The following COMMD1 variants were observed in gnomAD, a reference collection of about 807,000 sequenced individuals.
COMMD1 encodes COMM domain-containing protein 1.
Under a neutral mutation model 17.2 loss-of-function variants are expected in COMMD1, and 10 were observed. The observed-to-expected ratio is 0.58, with a 90% CI of 0.36 to 0.99. COMMD1 has a LOEUF of 0.99. COMMD1 is among the 50% of genes least tolerant of loss of function. The pLI is 0.01. For missense variants in COMMD1, 270 were observed against 231.8 expected, an observed-to-expected ratio of 1.17 and a Z score of -1.07; for synonymous variants, 97 against 91.6, an observed-to-expected ratio of 1.06 and a Z score of -0.34.
chr2:61,905,602 C>T, upstream of COMMD1: 2 of 1,399,718 alleles, frequency 1.4e-6, no homozygotes, highest in Admixed American at 2.6e-5. Context: ...GGTGGTTTTG[C>T]ACAGGCTATT....
At chr2:61,926,747 A>T (rs1419899961) in intron 1 of COMMD1, among the ~76,000 whole-genome samples, 3 of 152,084 alleles carry the variant, frequency 2.0e-5, no homozygotes. Flanking sequence ...TTGGAGCTTC[A>T]CAAGAACGTA....
At chr2:61,919,867 C>G (rs536812192) in intron 1 of COMMD1, among the ~76,000 whole-genome samples, 1 of 152,076 alleles carries the variant, frequency 6.6e-6, no homozygotes, top group African/African-American at 2.4e-5. Context: ...TGACGCATGC[C>G]TATAATCCCA....
rs1261204246 is a variant in COMMD1, at chr2:61,960,862, T to G, written c.181-39839T>G. 7.2e-5 allele frequency among the ~76,000 whole-genome samples: 11 copies of G among 152,200 alleles called. No homozygotes were observed. In the East Asian group the frequency reaches 1.9e-3, roughly 27 times the overall value. The stretch of plus-strand genomic sequence containing the variant: ...AGTAGTTTGTCACCCTTTGCAACAT[T>G]TCCTACCTTGGCCCTCGGGCGAGGT... On this transcript the variant is annotated intron_variant, in intron 1 of 2. Coordinates refer to ENST00000311832, the MANE Select transcript of COMMD1 (RefSeq NM_152516.4).
intron 2 of COMMD1, among the ~76,000 whole-genome samples, chr2:62,055,125 A>G (rs1005829838): frequency 6.6e-6 from 1 of 152,184 alleles, no homozygotes; most frequent in African/African-American, 2.4e-5. Context: ...ATTAAGCTGC[A>G]TCTGGTGGCA....
intron 2 of COMMD1, among the ~76,000 whole-genome samples, chr2:62,124,391 C>T (rs1022464897): frequency 6.6e-5 from 10 of 152,190 alleles, no homozygotes; most frequent in Non-Finnish European, 1.3e-4. Context: ...GATATGGTCA[C>T]ATTAACCAGT....
intron 1 of COMMD1, among the ~76,000 whole-genome samples, chr2:61,930,617 TTGTGTGTGTGTGTG>T (rs59488185): frequency 8.2e-5 from 12 of 146,166 alleles, no homozygotes; most frequent in African/African-American, 1.5e-4. Flanking sequence ...CCACAGGGTT[TTGTGTGTGTGTGTG>T]TGTGTGTGTG....
intron 2 of COMMD1, among the ~76,000 whole-genome samples, chr2:62,053,884 C>T (rs115901863): frequency 1.8e-3 from 271 of 152,120 alleles, no homozygotes; most frequent in African/African-American, 5.7e-3. Flanking sequence ...TTCTGCACAG[C>T]GAAAGAAATA....
chr2:62,108,424 A>G (rs1458880033), intron 2 of COMMD1, among the ~76,000 whole-genome samples: 2 of 152,172 alleles, frequency 1.3e-5, no homozygotes, highest in Admixed American at 6.5e-5. Flanking sequence ...TAGGCCTGAG[A>G]TCTTATATAC....
chr2:61,899,370 T>G (rs1669613027), intron 1 of COMMD1, among the ~76,000 whole-genome samples: 3 of 152,222 alleles, frequency 2.0e-5, no homozygotes, highest in Admixed American at 6.5e-5. Flanking sequence ...CCACATAGTT[T>G]AGTTACTTTT....
At position 61,951,262 on chromosome 2, in the gene COMMD1, A is replaced by G. The variant is rs147362667; in HGVS notation, c.180+45404A>G. On this transcript the variant is annotated intron_variant, in intron 1 of 2. Coordinates refer to ENST00000311832, the MANE Select transcript of COMMD1 (RefSeq NM_152516.4). The stretch of plus-strand genomic sequence containing the variant: ...GTGGATAGGTTGAGGCCAGGAGTTC[A>G]AGACCAGCCTGGCAAATGTGGCGAA... Among the ~76,000 whole-genome samples, 678 of 152,260 alleles carry G rather than the reference A, an allele frequency of 4.5e-3. 3 individuals are homozygous for G. The highest frequency in any genetic ancestry group is 7.2e-3 in the Non-Finnish European group (489 of 68,020).
At chr2:62,011,358 A>G (rs1206136891) in intron 2 of COMMD1, among the ~76,000 whole-genome samples, 1 of 152,208 alleles carries the variant, frequency 6.6e-6, no homozygotes, top group Non-Finnish European at 1.5e-5. Context: ...GTGTCCCTTT[A>G]CAGTCATCCA....
At chr2:62,115,831 TTTTTCTTTC>T (rs1218931029) in intron 2 of COMMD1, among the ~76,000 whole-genome samples, 14 of 127,202 alleles carry the variant, frequency 1.1e-4, no homozygotes, top group African/African-American at 3.7e-4. Flanking sequence ...GTGGGTTTTT[TTTTTCTTTC>T]TTTCTTTCTT....
intron 2 of COMMD1, among the ~76,000 whole-genome samples, chr2:62,006,797 C>G (rs2103820042): frequency 6.6e-6 from 1 of 152,226 alleles, no homozygotes; most frequent in South Asian, 2.1e-4. Context: ...GTTTTCCTTT[C>G]CTGGAACTTC....
chr2:62,038,078 T>C (rs1288873891), intron 2 of COMMD1, among the ~76,000 whole-genome samples: 2 of 152,016 alleles, frequency 1.3e-5, no homozygotes, highest in Non-Finnish European at 2.9e-5. Flanking sequence ...CACCTGAGGT[T>C]AGGAGTTCAA....
chr2:62,066,504 C>T (rs1452527371), intron 2 of COMMD1, among the ~76,000 whole-genome samples: 5 of 149,032 alleles, frequency 3.4e-5, no homozygotes, highest in African/African-American at 1.2e-4. Flanking sequence ...GGTGCGATCT[C>T]GGCTCACGGC....
At chr2:62,086,606 T>C (rs763675750) in intron 2 of COMMD1, among the ~76,000 whole-genome samples, 1 of 152,168 alleles carries the variant, frequency 6.6e-6, no homozygotes, top group Non-Finnish European at 1.5e-5. Context: ...TTAATGATAA[T>C]GGCCCCTCTC....
At chr2:61,902,245 C>T (rs375519217), upstream of COMMD1, among the ~76,000 whole-genome samples, 189 of 151,956 alleles carry the variant, frequency 1.2e-3, no homozygotes, top group Middle Eastern at 0.017. Context: ...CGGTGGCTCA[C>T]GCCTGTAATC....
At chr2:61,899,303 A>C (rs1440807761) in intron 1 of COMMD1, among the ~76,000 whole-genome samples, 1 of 152,332 alleles carries the variant, frequency 6.6e-6, no homozygotes, top group East Asian at 1.9e-4. Context: ...GTTGAGACTG[A>C]GAAAATTCTG....
intron 1 of COMMD1, among the ~76,000 whole-genome samples, chr2:61,950,707 A>G (rs1671028796): frequency 6.6e-6 from 1 of 152,218 alleles, no homozygotes; most frequent in African/African-American, 2.4e-5. Flanking sequence ...GCACTGTGAC[A>G]CTGAAATAAT....
Sources: gnomAD v4.1 joint callset for allele counts (sites outside exome capture counted in the v4.1 genomes callset) on GRCh38, gnomAD v4.1.1 for gene constraint, MANE v1.5 for transcripts, NCBI Gene and HGNC (gene_info 2026-07-23, HGNC 2026-07-21) for gene names.